Variants in TAFA1 observed in about 807,000 individuals in gnomAD.
TAFA1 encodes the protein TAFA chemokine like family member 1, also known as chemokine-like protein TAFA-1.
In TAFA1, 4 loss-of-function variants were observed where a neutral mutation model predicts 18.5. The observed-to-expected ratio is 0.22, with a 90% CI of 0.11 to 0.49. The LOEUF (loss-of-function observed/expected upper bound fraction) is 0.49, where lower values mean the gene tolerates loss of function less well. Among genes scored for constraint, TAFA1 ranks in the 20% least tolerant of loss-of-function variants. The pLI, the probability that TAFA1 is intolerant of heterozygous loss-of-function variation, is 0.98. For missense variants in TAFA1, 147 were observed against 169.0 expected, an observed-to-expected ratio of 0.87 and a Z score of 0.72; for synonymous variants, 56 against 55.2, an observed-to-expected ratio of 1.01 and a Z score of -0.06.
intron 2 of TAFA1, among the ~76,000 whole-genome samples, chr3:68,409,065 A>T (rs1379442990): frequency 6.6e-6 from 1 of 152,198 alleles, no homozygotes; most frequent in Admixed American, 6.5e-5. Flanking sequence ...ATGTAGGCTC[A>T]TACACAGTAG....
intron 2 of TAFA1, among the ~76,000 whole-genome samples, chr3:68,169,642 A>G (rs1039192551): frequency 2.6e-5 from 4 of 152,270 alleles, no homozygotes; most frequent in Non-Finnish European, 4.4e-5. Context: ...GCAAGATTAT[A>G]ACAAATGAAA....
chr3:68,473,019 T>A (rs1169385667), intron 3 of TAFA1, among the ~76,000 whole-genome samples: 2 of 152,064 alleles, frequency 1.3e-5, no homozygotes, highest in Non-Finnish European at 2.9e-5. Flanking sequence ...TTTTAAGAAA[T>A]CTCGAAGTAA....
intron 3 of TAFA1, among the ~76,000 whole-genome samples, chr3:68,426,847 G>A (rs568073160): frequency 1.5e-4 from 23 of 151,756 alleles, no homozygotes; most frequent in Non-Finnish European, 3.1e-4. Flanking sequence ...TTTCTCAACA[G>A]GATCAGATTC....
intron 2 of TAFA1, among the ~76,000 whole-genome samples, chr3:68,256,975 A>G (rs1486198467): frequency 6.6e-6 from 1 of 152,088 alleles, no homozygotes; most frequent in Non-Finnish European, 1.5e-5. Context: ...TACACTTGGC[A>G]TCACTCATTA....
chr3:68,396,345 C>A (rs2070383338), intron 2 of TAFA1, among the ~76,000 whole-genome samples: 1 of 152,124 alleles, frequency 6.6e-6, no homozygotes, highest in Non-Finnish European at 1.5e-5. Context: ...AGAATGTTAC[C>A]AGCAATCCAG....
chr3:68,036,669 T>C (rs540416113), intron 2 of TAFA1, among the ~76,000 whole-genome samples: 1 of 152,062 alleles, frequency 6.6e-6, no homozygotes, highest in Non-Finnish European at 1.5e-5. Context: ...GGTAAATCCA[T>C]GTGAGGTTAG....
intron 2 of TAFA1, among the ~76,000 whole-genome samples, chr3:68,035,542 C>G (rs559072594): frequency 1.2e-4 from 19 of 152,166 alleles, no homozygotes; most frequent in African/African-American, 4.6e-4. Flanking sequence ...TAAAAAAATT[C>G]CTGACAATGC....
intron 2 of TAFA1, among the ~76,000 whole-genome samples, chr3:68,231,891 T>C (rs977842330): frequency 7.2e-5 from 11 of 152,278 alleles, no homozygotes; most frequent in Admixed American, 2.6e-4. Flanking sequence ...ATTTTCTGTC[T>C]CTATAGACTG....
Position 68,232,518 on chromosome 3 carries a change from G to C in TAFA1, c.119-184762G>C, listed in dbSNP as rs553500523. The stretch of plus-strand genomic sequence containing the variant: ...TGTGAATAGTGCTGAAATAAACATG[G>C]GGGTGCAGATATTCAGTATACTGAT... On this transcript the variant is annotated intron_variant, in intron 2 of 4. Coordinates refer to ENST00000478136, the MANE Select transcript of TAFA1 (RefSeq NM_213609.4). 5.9e-5 allele frequency among the ~76,000 whole-genome samples: 9 copies of C among 152,254 alleles called. No homozygotes were observed. In the East Asian group the frequency reaches 1.7e-3, roughly 29 times the overall value.
chr3:68,051,203 G>C (rs1359245944), intron 2 of TAFA1, among the ~76,000 whole-genome samples: 1 of 152,104 alleles, frequency 6.6e-6, no homozygotes, highest in African/African-American at 2.4e-5. Context: ...AGAGTATGTG[G>C]ATTACAGAAG....
intron 2 of TAFA1, among the ~76,000 whole-genome samples, chr3:68,031,767 A>T (rs868545274): frequency 1.2e-4 from 19 of 152,178 alleles, no homozygotes; most frequent in African/African-American, 4.6e-4. Context: ...AATAACCCAG[A>T]CATACACTAT....
At chr3:68,468,865 C>T (rs1210533316) in intron 3 of TAFA1, among the ~76,000 whole-genome samples, 2 of 152,200 alleles carry the variant, frequency 1.3e-5, no homozygotes, top group South Asian at 2.1e-4. Flanking sequence ...CGTATGTTTG[C>T]TGTCTGCATG....
In TAFA1 at chr3:68,231,862, C is replaced by A. The variant is rs187618525; in HGVS notation, c.119-185418C>A. ...AATTACTGTCTCTTCTTAACCTTAG[C>A]CCAAGTAACTACTAATATATTTTCT... On this transcript the variant is annotated intron_variant, in intron 2 of 4. Coordinates refer to ENST00000478136, the MANE Select transcript of TAFA1 (RefSeq NM_213609.4). Among the ~76,000 whole-genome samples, 115 of 152,212 alleles carry A rather than the reference C, an allele frequency of 7.6e-4. 1 individual carries two copies. Among genetic ancestry groups the A allele is most frequent in the Admixed American group, 6.9e-3 (106 of 15,286 alleles).
At chr3:68,186,923 C>A (rs185284841) in intron 2 of TAFA1, among the ~76,000 whole-genome samples, 7 of 151,982 alleles carry the variant, frequency 4.6e-5, no homozygotes, top group Admixed American at 4.6e-4. Flanking sequence ...AATCATCTGT[C>A]CTTCTTATCT....
intron 2 of TAFA1, among the ~76,000 whole-genome samples, chr3:68,173,653 C>T (rs148668248): frequency 2.0e-5 from 3 of 152,056 alleles, no homozygotes; most frequent in South Asian, 2.1e-4. Flanking sequence ...GCATGGAGAC[C>T]GACAAGTCTT....
chr3:68,254,133 G>GTATGTATC (rs751671637), intron 2 of TAFA1, among the ~76,000 whole-genome samples: 12 of 111,118 alleles, frequency 1.1e-4, no homozygotes, highest in African/African-American at 3.9e-4. Context: ...ATGTATGTAT[G>GTATGTATC]TATCTATCTA....
intron 2 of TAFA1, among the ~76,000 whole-genome samples, chr3:68,173,719 C>T (rs1406571726): frequency 6.6e-6 from 1 of 152,046 alleles, no homozygotes; most frequent in Non-Finnish European, 1.5e-5. Flanking sequence ...TCTCAGGATC[C>T]TTGTAAATAG....
At chr3:68,078,112 G>A (rs1479942780) in intron 2 of TAFA1, among the ~76,000 whole-genome samples, 1 of 151,878 alleles carries the variant, frequency 6.6e-6, no homozygotes, top group African/African-American at 2.4e-5. Flanking sequence ...CTCTCTGTTT[G>A]TCTGTTGTTG....
chr3:68,520,582 AT>A (rs1484243875), intron 3 of TAFA1, among the ~76,000 whole-genome samples: 5 of 152,220 alleles, frequency 3.3e-5, no homozygotes, highest in African/African-American at 1.2e-4. Context: ...GTATTACTCC[AT>A]TGTGAGCAGA....
Sources: allele counts gnomAD v4.1 joint callset (sites outside exome capture counted in the v4.1 genomes callset), GRCh38; gene constraint gnomAD v4.1.1; transcripts MANE v1.5; gene names NCBI Gene and HGNC (gene_info 2026-07-23, HGNC 2026-07-21).